PRMT2: variants seen among roughly 807,000 people sequenced by gnomAD.
PRMT2 encodes the protein protein arginine methyltransferase 2, also known as protein arginine N-methyltransferase 2.
Under a neutral mutation model 57.6 loss-of-function variants are expected in PRMT2, and 26 were observed. The ratio of observed to expected loss-of-function variants is 0.45; its 90% CI spans 0.33 to 0.63. The LOEUF is 0.63. Ranked by LOEUF, PRMT2 falls within the 20% of genes least tolerant of loss-of-function variation. The probability of loss-of-function intolerance (pLI) is 0.02; values close to 1 mark genes in which losing one functional copy is unlikely to be tolerated. For synonymous variants in PRMT2, 219 were observed against 220.0 expected (o/e 1.00, Z 0.04); for missense variants, 472 against 564.4 (o/e 0.84, Z 1.66).
At chr21:46,652,219 CAAA>C (rs1244865159) in intron 7 of PRMT2, 3 of 1,373,322 alleles carry the variant, frequency 2.2e-6, no homozygotes, top group Non-Finnish European at 2.8e-6. Context: ...AAGGAGGAAA[CAAA>C]AAAATTGCTA....
Position 46,649,294 on chromosome 21 carries a change from G to C in PRMT2, c.490-281G>C, listed in dbSNP as rs190433132. Among the ~76,000 whole-genome samples the C allele has an allele frequency of 2.0e-5, 3 of 152,232 alleles. No homozygotes were observed. Among genetic ancestry groups the C allele is most frequent in the Admixed American group, 1.3e-4 (2 of 15,290 alleles). ...TGGTCATGGATTAAGATTGCTGTGCGTGTGGCAGCCGGCTCGGGCATGCGA... is the reference window on the plus strand; with the variant it reads ...TGGTCATGGATTAAGATTGCTGTGCCTGTGGCAGCCGGCTCGGGCATGCGA... On this transcript the variant is annotated intron_variant, in intron 6 of 11. Transcript: ENST00000355680. The surrounding 1 kb of genome is among the most constrained non-coding windows in gnomAD (Gnocchi z 4.8).
chr21:46,663,515 C>G lies in PRMT2; in HGVS notation c.1230C>G (p.Ser410Arg), dbSNP rs1601960698. 6.2e-7 allele frequency: 1 copy of G among 1,614,180 alleles called. No homozygotes were observed. Among genetic ancestry groups the G allele is most frequent in the South Asian group, 1.1e-5 (1 of 91,080 alleles). The change falls in exon 11 of 12, where the codon AGC becomes AGG. Residue 410 changes from serine to arginine, a missense_variant. By Grantham distance (110) the Ser-to-Arg change is moderately radical. Around this residue, in one of 2 missense-constraint regions of PRMT2, gnomAD observed 229 missense variants for 217.2 expected, o/e 1.05. Coordinates refer to ENST00000355680, the MANE Select transcript of PRMT2 (RefSeq NM_206962.4). Reference protein sequence around the residue: ...VWRRHMSVALSWAVTSRQDPT... With the variant: ...VWRRHMSVALRWAVTSRQDPT... The stretch of plus-strand genomic sequence containing the variant: ...GAAGGCACATGTCTGTGGCTCTGAG[C>G]TGGGCTGTCACTTCCAGACAAGACC...
intron 8 of PRMT2, chr21:46,659,564 A>T: frequency 1.8e-5 from 17 of 955,332 alleles, no homozygotes; most frequent in Non-Finnish European, 2.1e-5. Flanking sequence ...GAAAAATTAT[A>T]ATGTTGTTAG....
At position 46,644,455 on chromosome 21, in the gene PRMT2, G is replaced by C. The variant is rs770043052; in HGVS notation, c.294G>C (p.Gln98His). 6.3e-7 allele frequency: 1 copy of C among 1,592,886 alleles called. No homozygotes were observed. The highest frequency in any genetic ancestry group is 1.1e-5 in the South Asian group (1 of 87,520). ...VDEYDPEDTW[Q>H]DEEYFGSYGT... Reference sequence around the variant, plus strand: ...AGTACGACCCCGAGGACACGTGGCAGGATGAAGAGTACTTCGGCAGCTATG... The same window carrying C: ...AGTACGACCCCGAGGACACGTGGCACGATGAAGAGTACTTCGGCAGCTATG... Residue 98 changes from glutamine to histidine, a missense_variant, in exon 5 of 12, where the codon CAG (glutamine) becomes CAC (histidine). Physicochemically the swap from Gln to His is conservative, Grantham distance 24. Coordinates refer to ENST00000355680, the MANE Select transcript of PRMT2 (RefSeq NM_206962.4).
At chr21:46,639,728 A>G (rs1474766760) in intron 3 of PRMT2, among the ~76,000 whole-genome samples, 1 of 133,646 alleles carries the variant, frequency 7.5e-6, no homozygotes, top group Non-Finnish European at 1.6e-5. Flanking sequence ...GTGTGTGTGT[A>G]TTTTTTTTCC....
intron 5 of PRMT2, among the ~76,000 whole-genome samples, chr21:46,647,637 T>A (rs1212587483): frequency 6.6e-6 from 1 of 152,210 alleles, no homozygotes; most frequent in African/African-American, 2.4e-5. Flanking sequence ...AGTACTGGGA[T>A]TACAGGGGTG....
intron 2 of PRMT2, 142 bp downstream of exon 2, chr21:46,636,689 T>A: frequency 2.1e-6 from 1 of 482,482 alleles, no homozygotes; most frequent in Non-Finnish European, 3.7e-6. Flanking sequence ...TGCAGACTAG[T>A]GAAGAAAACA....
intron 1 of PRMT2, 147 bp downstream of exon 1, chr21:46,635,910 G>C (rs879486406): frequency 6.6e-6 from 1 of 152,354 alleles, no homozygotes; most frequent in African/African-American, 2.4e-5. Flanking sequence ...CGCGATCTCA[G>C]CCACTTTCCC....
chr21:46,639,766 G>A (rs900297322), intron 3 of PRMT2, among the ~76,000 whole-genome samples: 1 of 150,034 alleles, frequency 6.7e-6, no homozygotes, highest in Non-Finnish European at 1.5e-5. Context: ...TATTTAAAGC[G>A]TTTTTCTCGT....
chr21:46,662,377 G>T (rs886416536), intron 10 of PRMT2, among the ~76,000 whole-genome samples: 1 of 152,236 alleles, frequency 6.6e-6, no homozygotes, highest in African/African-American at 2.4e-5. Context: ...TCAGGGCCCT[G>T]CAGGCCTTCC....
chr21:46,654,767 G>A (rs369291962), intron 7 of PRMT2: 3 of 337,440 alleles, frequency 8.9e-6, no homozygotes, highest in East Asian at 3.4e-4. Flanking sequence ...TAGCCTGTAT[G>A]TAAAAACCAC....
At chr21:46,650,956 T>A (rs2061440532) in intron 7 of PRMT2, among the ~76,000 whole-genome samples, 1 of 152,224 alleles carries the variant, frequency 6.6e-6, no homozygotes, top group African/African-American at 2.4e-5. Context: ...CTGAGGACTT[T>A]GTGCCACGTC....
intron 8 of PRMT2, chr21:46,659,477 C>G: frequency 1.0e-6 from 1 of 984,312 alleles, no homozygotes; most frequent in Non-Finnish European, 1.2e-6. Flanking sequence ...AAAGAGATGA[C>G]TAGCCAGATG....
chr21:46,663,344 T>G (rs748370714), intron 10 of PRMT2, 39 bp from the exon 11 acceptor site: 1 of 1,581,692 alleles, frequency 6.3e-7, no homozygotes, highest in Non-Finnish European at 8.6e-7. Flanking sequence ...GAGACTGCCC[T>G]AGCTCAGCCT....
chr21:46,637,552 A>G (rs556072478), intron 3 of PRMT2, among the ~76,000 whole-genome samples: 1 of 152,192 alleles, frequency 6.6e-6, no homozygotes, highest in East Asian at 1.9e-4. Context: ...TTTCATTCCA[A>G]TGAGCTTTCA....
intron 7 of PRMT2, chr21:46,653,162 A>G: frequency 1.0e-6 from 1 of 985,472 alleles, no homozygotes; most frequent in Non-Finnish European, 1.2e-6. Context: ...CATTATGACG[A>G]ATTTTCTAAG....
At chr21:46,661,139 CTT>C in intron 9 of PRMT2, 177 bp downstream of exon 9, 1 of 588,418 alleles carries the variant, frequency 1.7e-6, no homozygotes, top group African/African-American at 1.9e-5. Flanking sequence ...TTTTTCCAGT[CTT>C]TTTTCTTTTT....
intron 10 of PRMT2, 30 bp downstream of exon 10, chr21:46,661,966 C>A: frequency 2.3e-5 from 3 of 132,674 alleles, no homozygotes; most frequent in Non-Finnish European, 3.7e-5. Context: ...GCACGGGGTG[C>A]GGGGTGGGGG....
chr21:46,660,833 A>G lies in PRMT2; in HGVS notation c.831A>G (p.Lys277=). Residue 277 remains lysine (K), a splice_region_variant and synonymous_variant, in exon 9 of 12, where the codon AAA becomes AAG. Coordinates refer to ENST00000355680, the MANE Select transcript of PRMT2 (RefSeq NM_206962.4). ...CAGTCGCTTTGACCTTTTCCCCTAG[A>G]TCTTTAGCAGTTAAGGAGTTTTTTT... ...NAYEFNLSAL[K]SLAVKEFFSK... is the part of the protein sequence containing the mutation. 1 of 1,613,332 alleles carries G rather than the reference A, an allele frequency of 6.2e-7. No individual in the cohort carries two copies. The highest frequency in any genetic ancestry group is 8.5e-7 in the Non-Finnish European group (1 of 1,179,786).
Sources: gnomAD v4.1 joint callset for allele counts (sites outside exome capture counted in the v4.1 genomes callset) on GRCh38, gnomAD v4.1.1 for gene constraint, gnomAD v4.1.1 regional missense constraint, Gnocchi (gnomAD v3.1) non-coding constraint, MANE v1.5 for transcripts, NCBI Gene and HGNC (gene_info 2026-07-23, HGNC 2026-07-21) for gene names.